The following PRSS12 variants were observed in gnomAD, a reference collection of about 807,000 sequenced individuals.
The protein encoded by PRSS12 is serine protease 12.
In PRSS12, 85 loss-of-function variants were observed where a neutral mutation model predicts 104.4. That is an observed-to-expected ratio of 0.81 (90% confidence interval 0.68 to 0.98). PRSS12 has a LOEUF of 0.98. Ranked by LOEUF, PRSS12 falls within the 50% of genes least tolerant of loss-of-function variation. The pLI, the probability that PRSS12 is intolerant of heterozygous loss-of-function variation, is 0.00. For synonymous variants in PRSS12, 454 were observed against 425.2 expected (o/e 1.07, Z -0.83); for missense variants, 1,141 against 1,139.2 (o/e 1.00, Z -0.02).
At chr4:118,340,644 T>C (rs1411478138) in intron 1 of PRSS12, among the ~76,000 whole-genome samples, 2 of 152,246 alleles carry the variant, frequency 1.3e-5, no homozygotes, top group Non-Finnish European at 2.9e-5. Context: ...CATTCTATTG[T>C]AGGAGCCAAG....
At chr4:118,316,837 A>ATATATATATATAT (rs768370790) in intron 5 of PRSS12, among the ~76,000 whole-genome samples, 2 of 99,190 alleles carry the variant, frequency 2.0e-5, no homozygotes, top group African/African-American at 6.9e-5. Context: ...AAAAAAAAAA[A>ATATATATATATAT]ATATATATAT....
Position 118,288,451 on chromosome 4 carries a change from C to T in PRSS12, c.2040-5340G>A, listed in dbSNP as rs577334932. Among the ~76,000 whole-genome samples the T allele has an allele frequency of 4.6e-5, 7 of 152,254 alleles. No homozygotes were observed. In the East Asian group the frequency reaches 1.3e-3, roughly 29 times the overall value. On this transcript the variant is annotated intron_variant, in intron 11 of 12. Transcript: ENST00000296498. ...GTTCTTAAAAAGTAAGTCCCATTAC[C>T]TCTGTGGCCATCTCTCTAATTAGAA...
chr4:118,300,320 A>G (rs946396163), intron 8 of PRSS12, among the ~76,000 whole-genome samples: 1 of 151,998 alleles, frequency 6.6e-6, no homozygotes, highest in Non-Finnish European at 1.5e-5. Flanking sequence ...GCCTAAAAGT[A>G]CAATTTTTAA....
intron 5 of PRSS12, among the ~76,000 whole-genome samples, chr4:118,317,657 T>A (rs760461196): frequency 6.6e-6 from 1 of 152,210 alleles, no homozygotes; most frequent in Non-Finnish European, 1.5e-5. Context: ...AACAACTGCA[T>A]GTATAGAAGT....
intron 8 of PRSS12, among the ~76,000 whole-genome samples, chr4:118,306,719 G>T (rs1410647048): frequency 6.6e-6 from 1 of 152,048 alleles, no homozygotes; most frequent in Non-Finnish European, 1.5e-5. Flanking sequence ...TTTGGGTGGG[G>T]ACAAATATCC....
chr4:118,317,782 G>A (rs1490056551), intron 5 of PRSS12, among the ~76,000 whole-genome samples: 1 of 152,030 alleles, frequency 6.6e-6, no homozygotes, highest in African/African-American at 2.4e-5. Context: ...TTACTAAATG[G>A]TTTCTGATGA....
chr4:118,282,838 A>G lies in PRSS12; in HGVS notation c.2313T>C (p.Gly771=). The change falls in exon 12 of 13, where the codon GGT becomes GGC. Residue 771 remains glycine (G), a synonymous_variant. Coordinates refer to ENST00000296498, the MANE Select transcript of PRSS12 (RefSeq NM_003619.4). ...TTTTTGATTATGCCTTACCTGTGTC[A>G]CCCCATCCTGTTATGTAACAGTTGG... The part of the protein sequence containing the change: ...TASNCYITGW[G]DTGRAYSRTL... 1.2e-6 allele frequency: 2 copies of G among 1,614,096 alleles called. No homozygotes were observed. Among genetic ancestry groups the G allele is most frequent in the Non-Finnish European group, 1.7e-6 (2 of 1,180,014 alleles).
At position 118,331,780 on chromosome 4, in the gene PRSS12, T is replaced by C. The variant is rs797045903; in HGVS notation, c.907A>G (p.Thr303Ala). ...TCATCCCATTGGTCATCACAAACGG[T>C]TCCCCACTGGCCAGCATGGTAGAGC... ...VELYHAGQWG[T>A]VCDDQWDDAD... is the part of the protein sequence containing the mutation. The change falls in exon 4 of 13, where the codon ACC becomes GCC. Residue 303 changes from threonine to alanine, a missense_variant. Physicochemically the swap from Thr to Ala is moderately conservative, Grantham distance 58. Transcript: ENST00000296498. 12 of 1,614,010 alleles carry C rather than the reference T, an allele frequency of 7.4e-6. No individual in the cohort carries two copies. The highest frequency in any genetic ancestry group is 1.3e-5 in the African/African-American group (1 of 74,918).
At chr4:118,322,553 A>T (rs1723662037) in intron 4 of PRSS12, among the ~76,000 whole-genome samples, 1 of 151,024 alleles carries the variant, frequency 6.6e-6, no homozygotes, top group Admixed American at 6.6e-5. Flanking sequence ...CCATCTTAAA[A>T]AAAAAAAAAA....
intron 8 of PRSS12, among the ~76,000 whole-genome samples, chr4:118,299,780 A>AAAAT (rs1743357349): frequency 6.6e-4 from 48 of 73,238 alleles, no homozygotes; most frequent in Middle Eastern, 6.5e-3. Context: ...AAAATAAAAT[A>AAAAT]AAATAAAATA....
chr4:118,308,515 T>C lies in PRSS12; in HGVS notation c.1552A>G (p.Asn518Asp). 6.2e-7 allele frequency: 1 copy of C among 1,614,078 alleles called. No individual in the cohort carries two copies. Among genetic ancestry groups the C allele is most frequent in the South Asian group, 1.1e-5 (1 of 91,084 alleles). Residue 518 changes from asparagine to aspartate, a missense_variant, in exon 8 of 13, where the codon AAT (asparagine) becomes GAT (aspartate). Transcript: ENST00000296498. ...KKEGRVEVFI[N>D]GQWGTICDDG... ...TCACAGATTGTTCCCCACTGGCCATTGATAAAAACCTCCACTCGTCCTTCT... is the reference window on the plus strand; with the variant it reads ...TCACAGATTGTTCCCCACTGGCCATCGATAAAAACCTCCACTCGTCCTTCT...
rs556090860 is a variant in PRSS12, at chr4:118,302,590, C to T, written c.1632-3652G>A. Among the ~76,000 whole-genome samples the T allele has an allele frequency of 2.0e-5, 3 of 152,222 alleles. No homozygotes were observed. The South Asian group carries it at 6.2e-4, about 32-fold the overall frequency. On this transcript the variant is annotated intron_variant, in intron 8 of 12. Transcript: ENST00000296498. ...TAGAGGCATAAGCCACCACAGCTGG[C>T]TAATTTTTGTATTTTTAGTAGAGAT...
intron 4 of PRSS12, 58 bp from the exon 5 acceptor site, chr4:118,318,614 T>A: frequency 7.9e-7 from 1 of 1,265,014 alleles, no homozygotes; most frequent in Non-Finnish European, 1.1e-6. Flanking sequence ...TGGTCTTTTA[T>A]TTTTTTTTTG....
chr4:118,335,575 G>C lies in PRSS12; in HGVS notation c.718C>G (p.Arg240Gly). 1.2e-6 allele frequency: 2 copies of C among 1,613,788 alleles called. No homozygotes were observed. Among genetic ancestry groups the C allele is most frequent in the Non-Finnish European group, 1.7e-6 (2 of 1,179,944 alleles). ...IPIYWSNVRC[R>G]GDEENILLCE... ...AGCAGTATATTTTCTTCATCTCCTC[G>C]GCAACGGACATTGCTCCAATAAATG... is the stretch of plus-strand genomic sequence containing the variant. Residue 240 changes from arginine (R) to glycine (G), a missense_variant, in exon 3 of 13, where the codon CGA (arginine) becomes GGA (glycine). Physicochemically the swap from Arg to Gly is moderately radical, Grantham distance 125. Transcript: ENST00000296498.
intron 1 of PRSS12, among the ~76,000 whole-genome samples, chr4:118,340,109 C>A (rs1724162805): frequency 6.6e-6 from 1 of 152,116 alleles, no homozygotes. Context: ...ATGATTGAGG[C>A]ACTTAGAGGT....
At chr4:118,284,450 T>G (rs1742969393) in intron 11 of PRSS12, among the ~76,000 whole-genome samples, 1 of 152,218 alleles carries the variant, frequency 6.6e-6, no homozygotes, top group South Asian at 2.1e-4. Flanking sequence ...TAACTTTTCC[T>G]TTGTAGTTCC....
At chr4:118,321,646 A>C (rs761499572) in intron 4 of PRSS12, among the ~76,000 whole-genome samples, 1 of 152,336 alleles carries the variant, frequency 6.6e-6, no homozygotes, top group African/African-American at 2.4e-5. Context: ...TACCCCTGAC[A>C]GTTGATAAAT....
In PRSS12 at chr4:118,352,563, G is replaced by C; in HGVS notation, c.158C>G (p.Pro53Arg). 2 of 1,546,324 alleles carry C rather than the reference G, an allele frequency of 1.3e-6. No individual in the cohort carries two copies. The highest frequency in any genetic ancestry group is 1.7e-6 in the Non-Finnish European group (2 of 1,146,054). ...AGGCGGCGGCGGACGCGTCCTCGGG[G>C]GCCGCTGCTGGGTGGGAAGGTAATA... ...YPYYLPTQQR[P>R]PRTRPPPPLP... Residue 53 changes from proline (P) to arginine (R), a missense_variant, in exon 1 of 13, where the codon CCC (proline) becomes CGC (arginine). Coordinates refer to ENST00000296498, the MANE Select transcript of PRSS12 (RefSeq NM_003619.4).
chr4:118,325,459 A>G (rs1365991070), intron 4 of PRSS12, among the ~76,000 whole-genome samples: 1 of 152,098 alleles, frequency 6.6e-6, no homozygotes, highest in African/African-American at 2.4e-5. Context: ...GAGAACAACA[A>G]CAAAAAACAT....
Sources: gnomAD v4.1 joint callset for allele counts (sites outside exome capture counted in the v4.1 genomes callset) on GRCh38, gnomAD v4.1.1 for gene constraint, MANE v1.5 for transcripts, NCBI Gene and HGNC (gene_info 2026-07-23, HGNC 2026-07-21) for gene names.